THNSL1: variants seen among roughly 807,000 people sequenced by gnomAD.
The protein encoded by THNSL1 is threonine synthase like 1, also known as threonine synthase-like 1.
THNSL1 carries 48 observed loss-of-function variants against 50.4 expected under a neutral mutation model. That is an observed-to-expected ratio of 0.95 (90% CI 0.76 to 1.21). The LOEUF (loss-of-function observed/expected upper bound fraction) is 1.21. Among genes scored for constraint, THNSL1 ranks in the 50% most tolerant of loss-of-function variants. THNSL1 has a pLI of 0.00. For missense variants in THNSL1, 896 were observed against 871.7 expected (o/e 1.03, Z -0.35); for synonymous variants, 309 against 306.1 (o/e 1.01, Z -0.10).
chr10:24,992,321 T>C, the THNSL1 span, among the ~76,000 whole-genome samples: 2 of 152,102 alleles, frequency 1.3e-5, no homozygotes, highest in Non-Finnish European at 2.9e-5. Flanking sequence ...AAGAAAATAA[T>C]AGGGGCTATT....
intron 1 of THNSL1, among the ~76,000 whole-genome samples, chr10:25,019,248 A>G (rs1402979397): frequency 6.6e-6 from 1 of 152,176 alleles, no homozygotes; most frequent in African/African-American, 2.4e-5. Flanking sequence ...CCAAGGCAGG[A>G]AGACTGCTTG....
the THNSL1 span, among the ~76,000 whole-genome samples, chr10:24,989,932 A>AT: frequency 1.3e-5 from 2 of 152,200 alleles, no homozygotes; most frequent in African/African-American, 4.8e-5. Flanking sequence ...GCATTAAAAA[A>AT]TCCAATATAA....
At chr10:25,009,663 G>T in the THNSL1 span, among the ~76,000 whole-genome samples, 2 of 152,216 alleles carry the variant, frequency 1.3e-5, no homozygotes, top group South Asian at 4.1e-4. Flanking sequence ...TTGAATTGTA[G>T]CTCCCATAAT....
At chr10:24,967,330 A>G in the THNSL1 span, among the ~76,000 whole-genome samples, 1 of 152,202 alleles carries the variant, frequency 6.6e-6, no homozygotes, top group Non-Finnish European at 1.5e-5. Context: ...CATCAGGTGC[A>G]GCTGGTACCA....
the THNSL1 span, among the ~76,000 whole-genome samples, chr10:24,980,029 T>G: frequency 6.6e-6 from 1 of 152,256 alleles, no homozygotes; most frequent in East Asian, 1.9e-4. Flanking sequence ...TCTGCACTGC[T>G]ACAACCTTGA....
the THNSL1 span, chr10:24,982,552 C>T: frequency 5.3e-5 from 8 of 152,156 alleles, no homozygotes; most frequent in African/African-American, 9.7e-5. Flanking sequence ...CTGCAGTCTC[C>T]ATGTCTCTTA....
the THNSL1 span, among the ~76,000 whole-genome samples, chr10:24,963,757 C>T: frequency 6.6e-6 from 1 of 152,100 alleles, no homozygotes; most frequent in African/African-American, 2.4e-5. Flanking sequence ...TTGCTTTTTC[C>T]TAGAGAAAAA....
At chr10:24,989,279 C>A in the THNSL1 span, among the ~76,000 whole-genome samples, 1 of 152,194 alleles carries the variant, frequency 6.6e-6, no homozygotes, top group Non-Finnish European at 1.5e-5. Flanking sequence ...TCCTGCCTGT[C>A]TGCCTTCCTC....
chr10:25,024,160 A>G lies in THNSL1; in HGVS notation c.937A>G (p.Met313Val), dbSNP rs1359570887. The G allele has an allele frequency of 6.2e-7, 1 of 1,614,070 alleles. No homozygotes were observed. The highest frequency in any genetic ancestry group is 2.2e-5 in the East Asian group (1 of 44,892). Reference sequence around the variant, plus strand: ...CATACCTGCTGCCAGGTTGGGAGAAATGATTGAAACTGCTTATGGGGAAAA... The same window carrying G: ...CATACCTGCTGCCAGGTTGGGAGAAGTGATTGAAACTGCTTATGGGGAAAA... ...ADIPAARLGE[M>V]IETAYGENFA... The change falls in exon 3 of 3, where the codon ATG becomes GTG. Residue 313 changes from methionine (M) to valine (V), a missense_variant. Transcript: ENST00000376356.
chr10:25,016,937 C>T (rs1353674807), intron 1 of THNSL1: 1 of 152,478 alleles, frequency 6.6e-6, no homozygotes, highest in African/African-American at 2.4e-5. Flanking sequence ...GGTCGAGGCT[C>T]CTCGGAACGC....
the THNSL1 span, among the ~76,000 whole-genome samples, chr10:24,979,210 T>G: frequency 6.6e-6 from 1 of 152,230 alleles, no homozygotes; most frequent in African/African-American, 2.4e-5. Context: ...TTGAAAAGTT[T>G]CCTTCAATTT....
At chr10:24,955,838 T>A in the THNSL1 span, among the ~76,000 whole-genome samples, 1 of 152,014 alleles carries the variant, frequency 6.6e-6, no homozygotes, top group African/African-American at 2.4e-5. Flanking sequence ...ACCTAGCTAC[T>A]GGGGAGGCTG....
chr10:24,955,954 AAATAAT>A, the THNSL1 span, among the ~76,000 whole-genome samples: 2 of 151,870 alleles, frequency 1.3e-5, no homozygotes, highest in Non-Finnish European at 1.5e-5. Context: ...CCCTACAAAC[AAATAAT>A]AATAATAATA....
chr10:24,993,179 A>G, the THNSL1 span, among the ~76,000 whole-genome samples: 1 of 152,184 alleles, frequency 6.6e-6, no homozygotes, highest in Admixed American at 6.5e-5. Flanking sequence ...GGTGTGATAC[A>G]GTTCAGAAAA....
At chr10:25,000,358 G>A in the THNSL1 span, among the ~76,000 whole-genome samples, 5,587 of 152,212 alleles carry the variant, frequency 0.037, 138 homozygotes, top group Non-Finnish European at 0.058. Flanking sequence ...ATCTTCAAAT[G>A]TTCTGTATCC....
At position 25,025,300 on chromosome 10, in the gene THNSL1, T is replaced by C; in HGVS notation, c.2077T>C (p.Tyr693His). Residue 693 changes from tyrosine (Y) to histidine (H), a missense_variant, in exon 3 of 3, where the codon TAT (tyrosine) becomes CAT (histidine). Transcript: ENST00000376356. ...EINETSSSQL[Y>H]LLGSYNALPP... ...CAATGAGACTTCATCAAGTCAGCTCTATTTGCTGGGTTCATACAATGCATT... is the reference window on the plus strand; with the variant it reads ...CAATGAGACTTCATCAAGTCAGCTCCATTTGCTGGGTTCATACAATGCATT... 6.2e-7 allele frequency: 1 copy of C among 1,614,234 alleles called. No individual in the cohort carries two copies. Among genetic ancestry groups the C allele is most frequent in the South Asian group, 1.1e-5 (1 of 91,082 alleles).
In THNSL1 at chr10:25,024,305, T is replaced by C. The variant is rs757430200; in HGVS notation, c.1082T>C (p.Ile361Thr). The change falls in exon 3 of 3, where the codon ATT becomes ACT. Residue 361 changes from isoleucine to threonine, a missense_variant. Physicochemically the swap from Ile to Thr is moderately conservative, Grantham distance 89 (BLOSUM62 -1). Coordinates refer to ENST00000376356, the MANE Select transcript of THNSL1 (RefSeq NM_024838.5). The stretch of plus-strand genomic sequence containing the variant: ...TTGTCTTTACAGCTTATGCCTCATA[T>C]TTTTGCACACTGTATCCCACCAAGT... ...KDLSLQLMPH[I>T]FAHCIPPSCN... 6.2e-6 allele frequency: 10 copies of C among 1,614,224 alleles called. No homozygotes were observed. The highest frequency in any genetic ancestry group is 5.9e-6 in the Non-Finnish European group (7 of 1,180,034).
the THNSL1 span, among the ~76,000 whole-genome samples, chr10:24,996,167 G>C: frequency 1.2e-4 from 18 of 152,144 alleles, no homozygotes; most frequent in Middle Eastern, 6.3e-3. Flanking sequence ...TGTTGAGGAG[G>C]CCGGGCACGG....
the THNSL1 span, among the ~76,000 whole-genome samples, chr10:24,991,347 C>T: frequency 1.3e-5 from 2 of 151,886 alleles, no homozygotes; most frequent in Admixed American, 6.6e-5. Context: ...TTCGTGGTCT[C>T]GTTAAAGAAA....
Sources: gnomAD v4.1 joint callset for allele counts (sites outside exome capture counted in the v4.1 genomes callset) on GRCh38, gnomAD v4.1.1 for gene constraint, MANE v1.5 for transcripts, NCBI Gene and HGNC (gene_info 2026-07-23, HGNC 2026-07-21) for gene names.